TMEM132B: variants seen among roughly 807,000 people sequenced by gnomAD.
TMEM132B encodes transmembrane protein 132B.
A neutral mutation model predicts 90.8 loss-of-function variants in TMEM132B; 18 were observed. That is an observed-to-expected ratio of 0.20 (90% confidence interval 0.14 to 0.29). TMEM132B has a LOEUF of 0.29. Among genes scored for constraint, TMEM132B ranks in the 10% least tolerant of loss-of-function variants. The pLI, the probability that TMEM132B is intolerant of heterozygous loss-of-function variation, is 1.00. For missense variants in TMEM132B, 1,096 were observed against 1,326.8 expected, an observed-to-expected ratio of 0.83 and a Z score of 2.70; for synonymous variants, 504 against 523.3, an observed-to-expected ratio of 0.96 and a Z score of 0.50.
intron 1 of TMEM132B, among the ~76,000 whole-genome samples, chr12:125,208,425 G>A (rs890230379): frequency 6.6e-6 from 1 of 152,122 alleles, no homozygotes; most frequent in Non-Finnish European, 1.5e-5. Flanking sequence ...AAGAAACCCT[G>A]TACCTTGCAG....
intron 5 of TMEM132B, among the ~76,000 whole-genome samples, chr12:125,640,954 A>ACACT (rs904143734): frequency 1.3e-5 from 2 of 150,452 alleles, no homozygotes; most frequent in Non-Finnish European, 1.5e-5. Flanking sequence ...ACACACACAC[A>ACACT]CATTTCTAAT....
chr12:125,287,555 C>A (rs1033441608), intron 1 of TMEM132B, among the ~76,000 whole-genome samples: 11 of 152,162 alleles, frequency 7.2e-5, no homozygotes, highest in Non-Finnish European at 1.5e-4. Flanking sequence ...GCCCAAATAA[C>A]CTCAAGGGAT....
chr12:125,572,943 T>C (rs1225483901), intron 4 of TMEM132B, among the ~76,000 whole-genome samples: 2 of 152,224 alleles, frequency 1.3e-5, no homozygotes, highest in Admixed American at 6.5e-5. Flanking sequence ...ATGCTAAAAT[T>C]GTCCCAAACT....
At chr12:125,199,860 C>T (rs932119161) in intron 1 of TMEM132B, among the ~76,000 whole-genome samples, 1 of 152,148 alleles carries the variant, frequency 6.6e-6, no homozygotes, top group African/African-American at 2.4e-5. Flanking sequence ...AAGGAAGAGT[C>T]CTAGAAGCAG....
At chr12:125,203,873 C>T (rs1873123076) in intron 1 of TMEM132B, among the ~76,000 whole-genome samples, 1 of 152,220 alleles carries the variant, frequency 6.6e-6, no homozygotes. Context: ...AGTATATATG[C>T]TGACCTCCAC....
intron 5 of TMEM132B, among the ~76,000 whole-genome samples, chr12:125,638,407 G>A (rs372692335): frequency 1.4e-4 from 22 of 152,088 alleles, no homozygotes; most frequent in African/African-American, 5.3e-4. Flanking sequence ...AAGGTAAAAG[G>A]AATATTTTTG....
intron 5 of TMEM132B, among the ~76,000 whole-genome samples, chr12:125,597,241 C>T (rs1382499000): frequency 6.6e-6 from 1 of 152,146 alleles, no homozygotes; most frequent in Non-Finnish European, 1.5e-5. Flanking sequence ...TAATTGTTTT[C>T]ATGTTAAATA....
At chr12:125,375,144 T>C (rs531800356) in intron 2 of TMEM132B, among the ~76,000 whole-genome samples, 2 of 152,324 alleles carry the variant, frequency 1.3e-5, no homozygotes, top group African/African-American at 4.8e-5. Context: ...TGAGCTCAGA[T>C]ACAAAAAGCA....
At chr12:125,411,926 A>G (rs141459444) in intron 2 of TMEM132B, among the ~76,000 whole-genome samples, 11 of 152,226 alleles carry the variant, frequency 7.2e-5, no homozygotes, top group South Asian at 2.1e-4. Flanking sequence ...CTAATGGTCA[A>G]CTTGTCTCAA....
At chr12:125,294,767 A>C (rs1278489099) in intron 1 of TMEM132B, among the ~76,000 whole-genome samples, 1 of 152,228 alleles carries the variant, frequency 6.6e-6, no homozygotes, top group African/African-American at 2.4e-5. Context: ...ATATTGATTT[A>C]AGGCAGGAGA....
At chr12:125,439,602 T>C (rs1880809171) in intron 3 of TMEM132B, among the ~76,000 whole-genome samples, 1 of 152,222 alleles carries the variant, frequency 6.6e-6, no homozygotes, top group Non-Finnish European at 1.5e-5. Flanking sequence ...TATAGAATCA[T>C]GTCATCTGCA....
chr12:125,620,197 A>T (rs1286067797), intron 5 of TMEM132B, among the ~76,000 whole-genome samples: 1 of 152,250 alleles, frequency 6.6e-6, no homozygotes, highest in African/African-American at 2.4e-5. Flanking sequence ...GGATGTATCA[A>T]ATGAGGCTTG....
intron 2 of TMEM132B, among the ~76,000 whole-genome samples, chr12:125,395,176 A>G (rs937042047): frequency 1.3e-5 from 2 of 152,218 alleles, no homozygotes; most frequent in Non-Finnish European, 2.9e-5. Flanking sequence ...GGAAATATCC[A>G]GTGCATCAGG....
intron 1 of TMEM132B, among the ~76,000 whole-genome samples, chr12:125,283,205 A>G (rs920855466): frequency 2.0e-5 from 3 of 152,186 alleles, no homozygotes; most frequent in Non-Finnish European, 2.9e-5. Flanking sequence ...ATGCAGAGTC[A>G]CCAAATTGTT....
chr12:125,653,196 G>A (rs1039632379), intron 8 of TMEM132B, among the ~76,000 whole-genome samples: 1 of 152,202 alleles, frequency 6.6e-6, no homozygotes, highest in African/African-American at 2.4e-5. Context: ...AATGAAGAGT[G>A]TTCAAAGTGA....
chr12:125,213,230 C>T lies in TMEM132B; in HGVS notation c.67+26364C>T, dbSNP rs966020687. Among the ~76,000 whole-genome samples the T allele has an allele frequency of 6.6e-6, 1 of 152,348 alleles. No individual in the cohort carries two copies. The highest frequency in any genetic ancestry group is 1.9e-4 in the East Asian group (1 of 5,192). On this transcript the variant is annotated intron_variant, in intron 1 of 8. Coordinates refer to ENST00000682704, the MANE Select transcript of TMEM132B (RefSeq NM_001366854.1). The surrounding 1 kb of genome is among the most constrained non-coding windows in gnomAD (Gnocchi z 4.2). ...GCACAGTGGTTTTAAGGTTCATCCA[C>T]GTTGTAGCCTGTGTCAGTGCTATGC... is the stretch of plus-strand genomic sequence containing the variant.
intron 5 of TMEM132B, among the ~76,000 whole-genome samples, chr12:125,612,568 ATATATAAAAT>A (rs1885860956): frequency 6.9e-6 from 1 of 144,974 alleles, no homozygotes; most frequent in African/African-American, 2.5e-5. Flanking sequence ...TATATATAAT[ATATATAAAAT>A]ATATATTATA....
chr12:125,336,246 T>C (rs1032030565), intron 1 of TMEM132B, among the ~76,000 whole-genome samples: 1 of 152,234 alleles, frequency 6.6e-6, no homozygotes. Context: ...TTGGACAGCA[T>C]GTGGCTTTCT....
At chr12:125,587,095 A>G (rs1885195254) in intron 5 of TMEM132B, 1 of 151,852 alleles carries the variant, frequency 6.6e-6, no homozygotes, top group Non-Finnish European at 1.5e-5. Context: ...ATTCAGTTCT[A>G]TCTGTGGTTT....
Sources: allele counts gnomAD v4.1 joint callset (sites outside exome capture counted in the v4.1 genomes callset), GRCh38; gene constraint gnomAD v4.1.1; non-coding constraint Gnocchi (gnomAD v3.1); transcripts MANE v1.5; gene names NCBI Gene and HGNC (gene_info 2026-07-23, HGNC 2026-07-21).